TRABD2B: variants seen among roughly 807,000 people sequenced by gnomAD.
The protein encoded by TRABD2B is metalloprotease TIKI2.
TRABD2B carries 14 observed loss-of-function variants against 40.1 expected under a neutral mutation model. The observed-to-expected ratio is 0.35, with a 90% CI of 0.23 to 0.55. The LOEUF (loss-of-function observed/expected upper bound fraction) is 0.55. TRABD2B is among the 20% of genes least tolerant of loss of function. TRABD2B has a pLI of 0.90. For synonymous variants in TRABD2B, 263 were observed against 277.0 expected, an observed-to-expected ratio of 0.95 and a Z score of 0.50; for missense variants, 541 against 648.6, an observed-to-expected ratio of 0.83 and a Z score of 1.80.
chr1:47,988,525 G>A (rs1645953694), intron 2 of TRABD2B, among the ~76,000 whole-genome samples: 1 of 152,192 alleles, frequency 6.6e-6, no homozygotes, highest in Non-Finnish European at 1.5e-5. Flanking sequence ...GTGTCCAGCA[G>A]CCTGTGCCGT....
At chr1:47,828,213 C>T (rs1467852428) in intron 2 of TRABD2B, among the ~76,000 whole-genome samples, 4 of 152,154 alleles carry the variant, frequency 2.6e-5, no homozygotes, top group Non-Finnish European at 5.9e-5. Context: ...TAGCTCTCAC[C>T]CTCTGTGGTC....
At chr1:47,921,452 A>G (rs1437872496) in intron 2 of TRABD2B, among the ~76,000 whole-genome samples, 1 of 152,176 alleles carries the variant, frequency 6.6e-6, no homozygotes. Context: ...CCAGACTGTG[A>G]CACACACAAC....
At chr1:47,990,533 C>T (rs2148458607) in intron 2 of TRABD2B, among the ~76,000 whole-genome samples, 1 of 151,950 alleles carries the variant, frequency 6.6e-6, no homozygotes, top group South Asian at 2.1e-4. Context: ...GGCAACTTCC[C>T]ATGCAGCCTT....
intron 2 of TRABD2B, among the ~76,000 whole-genome samples, chr1:47,832,770 G>A (rs998001318): frequency 5.3e-5 from 8 of 152,136 alleles, no homozygotes; most frequent in Non-Finnish European, 1.2e-4. Context: ...ATTTGGTGTG[G>A]TTAGGGAGAC....
At chr1:47,892,915 G>T (rs1394497279) in intron 2 of TRABD2B, among the ~76,000 whole-genome samples, 1 of 152,196 alleles carries the variant, frequency 6.6e-6, no homozygotes, top group Non-Finnish European at 1.5e-5. Flanking sequence ...AGTCTGACAT[G>T]CAAAGCTTTT....
chr1:47,869,451 G>A (rs943029907), intron 2 of TRABD2B, among the ~76,000 whole-genome samples: 3 of 152,262 alleles, frequency 2.0e-5, no homozygotes, highest in South Asian at 2.1e-4. Flanking sequence ...GCAAACATGC[G>A]CCACGGTGGT....
At chr1:47,810,161 CG>C (rs1644944628) in intron 2 of TRABD2B, among the ~76,000 whole-genome samples, 3 of 151,354 alleles carry the variant, frequency 2.0e-5, no homozygotes, top group Non-Finnish European at 4.4e-5. Flanking sequence ...TGTGCGCGCG[CG>C]CGCGCGCACG....
chr1:47,862,747 A>G (rs1643991869), intron 2 of TRABD2B, among the ~76,000 whole-genome samples: 1 of 152,206 alleles, frequency 6.6e-6, no homozygotes, highest in African/African-American at 2.4e-5. Flanking sequence ...TAAAGTTTAT[A>G]TGGAGAGGCA....
intron 2 of TRABD2B, among the ~76,000 whole-genome samples, chr1:47,981,810 C>G (rs1645844287): frequency 6.6e-6 from 1 of 152,338 alleles, no homozygotes; most frequent in South Asian, 2.1e-4. Flanking sequence ...GCATAGAGCA[C>G]CTGATGGCTG....
At chr1:47,786,703 T>C (rs1044630606) in intron 4 of TRABD2B, among the ~76,000 whole-genome samples, 28 of 152,118 alleles carry the variant, frequency 1.8e-4, no homozygotes, top group African/African-American at 6.5e-4. Context: ...TTTTTGTTTG[T>C]TCATTTGTTT....
rs186871584 is a variant in TRABD2B at position 47,992,673 on chromosome 1, G to A, written c.666+1361C>T. On this transcript the variant is annotated intron_variant, in intron 2 of 6. Transcript: ENST00000606738. ...ATATCAGCTCCCGAGGCTGGCAAGG[G>A]AAAAGTCACTTCAGAGGGAGAAAGC... Among the ~76,000 whole-genome samples the A allele has an allele frequency of 4.2e-3, 633 of 152,352 alleles. 7 individuals are homozygous for A. Among genetic ancestry groups the A allele is most frequent in the South Asian group, 9.5e-3 (46 of 4,826 alleles).
At chr1:47,966,187 G>A (rs1043485905) in intron 2 of TRABD2B, among the ~76,000 whole-genome samples, 1 of 152,160 alleles carries the variant, frequency 6.6e-6, no homozygotes, top group Admixed American at 6.5e-5. Flanking sequence ...GGAAGTGCCA[G>A]GGCAGGGGGC....
chr1:47,962,111 C>G (rs547956601), intron 2 of TRABD2B, among the ~76,000 whole-genome samples: 1 of 151,350 alleles, frequency 6.6e-6, no homozygotes, highest in African/African-American at 2.4e-5. Context: ...ACTATTGCAA[C>G]GACAGAAAGC....
At chr1:47,977,068 CT>C (rs749710731) in intron 2 of TRABD2B, among the ~76,000 whole-genome samples, 4,350 of 136,542 alleles carry the variant, frequency 0.032, 132 homozygotes, top group East Asian at 0.12. Flanking sequence ...AGGTTTAGTC[CT>C]TTTTTTTTTT....
At chr1:47,984,502 G>A (rs1436413840) in intron 2 of TRABD2B, among the ~76,000 whole-genome samples, 1 of 152,210 alleles carries the variant, frequency 6.6e-6, no homozygotes, top group Non-Finnish European at 1.5e-5. Flanking sequence ...CAAGCCTCCC[G>A]GGGGAGCGCC....
In TRABD2B at chr1:47,761,386, C is replaced by T. The variant is rs1040170508; in HGVS notation, c.*4516G>A. 6.6e-5 allele frequency: 10 copies of T among 152,358 alleles called. No homozygotes were observed. The highest frequency in any genetic ancestry group is 2.4e-4 in the African/African-American group (10 of 41,442). The allele number at this position is 152,358 out of a possible 1,614,324, so 9.4% of individuals were successfully genotyped here. A position where few individuals can be genotyped will look rare whatever the true frequency, so the allele number is the denominator to read the frequency against. On this transcript the variant is annotated 3_prime_UTR_variant, in exon 7 of 7. Coordinates refer to ENST00000606738, the MANE Select transcript of TRABD2B (RefSeq NM_001194986.2). ...AAGGAGCTCTGGGCTGGGCTGCAGG[C>T]CTGGGTTCCAGTTCACTCCTCCTCC...
chr1:47,881,406 T>C (rs1644302056), intron 2 of TRABD2B, among the ~76,000 whole-genome samples: 1 of 152,232 alleles, frequency 6.6e-6, no homozygotes. Context: ...TACCAGTTAA[T>C]GTTTGTGGAG....
At chr1:47,780,193 G>A (rs1023616809) in intron 4 of TRABD2B, among the ~76,000 whole-genome samples, 6 of 152,156 alleles carry the variant, frequency 3.9e-5, no homozygotes, top group African/African-American at 1.4e-4. Context: ...CACTGGGAAA[G>A]GTCACTGGGC....
intron 2 of TRABD2B, among the ~76,000 whole-genome samples, chr1:47,949,406 T>TC (rs1277919261): frequency 1.1e-4 from 15 of 136,924 alleles, no homozygotes; most frequent in Non-Finnish European, 2.4e-4. Flanking sequence ...TCTTTCTTTT[T>TC]TTTTTTTTTT....
Sources: gnomAD v4.1 joint callset for allele counts (sites outside exome capture counted in the v4.1 genomes callset) on GRCh38, gnomAD v4.1.1 for gene constraint, MANE v1.5 for transcripts, NCBI Gene and HGNC (gene_info 2026-07-23, HGNC 2026-07-21) for gene names.